The following TRIM64C variants were observed in gnomAD, a reference collection of about 807,000 sequenced individuals.
TRIM64C encodes the protein tripartite motif-containing protein 64C.
TRIM64C carries 25 observed loss-of-function variants against 36.1 expected under a neutral mutation model. The observed-to-expected ratio is 0.69, with a 90% CI of 0.51 to 0.97. The LOEUF (loss-of-function observed/expected upper bound fraction) is 0.97. Among genes scored for constraint, TRIM64C ranks in the 50% least tolerant of loss-of-function variants. TRIM64C has a pLI of 0.00. For missense variants in TRIM64C, 489 were observed against 536.8 expected (o/e 0.91, Z 0.88); for synonymous variants, 212 against 185.7 (o/e 1.14, Z -1.15).
chr11:49,057,555 C>T (rs1375880529), intron 2 of TRIM64C, among the ~76,000 whole-genome samples, 177 bp from the exon 3 acceptor site: 5 of 151,774 alleles, frequency 3.3e-5, no homozygotes, highest in African/African-American at 1.2e-4. Context: ...TATTCTCTCT[C>T]CCTTTTTAAA....
At position 49,053,791 on chromosome 11, in the gene TRIM64C, C is replaced by A. The variant is rs967518383; in HGVS notation, c.1276G>T (p.Gly426Cys). Residue 426 changes from glycine (G) to cysteine (C), a missense_variant, in exon 6 of 6, where the codon GGT becomes TGT. By Grantham distance (159) the Gly-to-Cys change is radical. Coordinates refer to ENST00000617704, the MANE Select transcript of TRIM64C (RefSeq NM_001206631.1). ...GSVSFFDVSK[G>C]SLIYGFPPSS... ...GGAGGAAAACCATAGATAAGAGAAC[C>A]TTTAGAAACATCAAAAAAACTCACA... The A allele has an allele frequency of 5.2e-6, 8 of 1,551,440 alleles. No individual in the cohort carries two copies. Among genetic ancestry groups the A allele is most frequent in the East Asian group, 2.4e-5 (1 of 40,900 alleles).
chr11:49,058,509 G>A (rs1326517753), intron 1 of TRIM64C, among the ~76,000 whole-genome samples, 192 bp downstream of exon 1: 1 of 151,846 alleles, frequency 6.6e-6, no homozygotes, highest in African/African-American at 2.4e-5. Flanking sequence ...ACCTCCTTTA[G>A]TGAAGTCTCA....
chr11:49,058,243 G>A (rs1854837178), intron 1 of TRIM64C, 71 bp from the exon 2 acceptor site: 1 of 1,053,098 alleles, frequency 9.5e-7, no homozygotes, highest in African/African-American at 1.7e-5. Flanking sequence ...ATAAAAAAAA[G>A]GCCGTAATTG....
At chr11:49,057,081 T>C (rs1854822176) in intron 3 of TRIM64C, 67 bp downstream of exon 3, 1 of 1,527,770 alleles carries the variant, frequency 6.5e-7, no homozygotes, top group African/African-American at 1.4e-5. Flanking sequence ...CTGATGACAT[T>C]TGCATGTCCT....
chr11:49,055,310 C>A lies in TRIM64C; in HGVS notation c.859G>T (p.Val287Leu). ...GGACTGCCAAGCAGCTGGCTCTTGC[C>A]TCTGAAGTTGTTGAGCATGTCTAGG... Reference protein sequence around the residue: ...GVLDMLNNFRVDNALSTEMTP... With the variant: ...GVLDMLNNFRLDNALSTEMTP... Residue 287 changes from valine to leucine, a missense_variant and splice_region_variant, in exon 5 of 6, where the codon GTG becomes TTG. Coordinates refer to ENST00000617704, the MANE Select transcript of TRIM64C (RefSeq NM_001206631.1). 6.5e-7 allele frequency: 1 copy of A among 1,535,814 alleles called. No homozygotes were observed. Among genetic ancestry groups the A allele is most frequent in the Non-Finnish European group, 8.7e-7 (1 of 1,146,828 alleles).
At position 49,053,740 on chromosome 11, in the gene TRIM64C, G is replaced by A. The variant is rs1231835128; in HGVS notation, c.1327C>T (p.Pro443Ser). The A allele has an allele frequency of 1.9e-6, 3 of 1,550,224 alleles. No homozygotes were observed. The highest frequency in any genetic ancestry group is 2.4e-5 in the East Asian group (1 of 40,890). Residue 443 changes from proline to serine, a missense_variant, in exon 6 of 6, where the codon CCT (proline) becomes TCT (serine). Transcript: ENST00000617704. ...CATGTACAACCAAAGCAAAAGAAAG[G>A]CCTCAGAGGGGAAGAGAAGGAGGAA... is the stretch of plus-strand genomic sequence containing the variant. ...PPSSFSSPLR[P>S]FFCFGCT
In TRIM64C at chr11:49,055,377, C is replaced by T. The variant is rs188659865; in HGVS notation, c.792G>A (p.Gln264=). 3.2e-5 allele frequency: 49 copies of T among 1,533,490 alleles called. No individual in the cohort carries two copies. In the East Asian group the frequency reaches 1.2e-3, roughly 38 times the overall value. 95.0% of individuals were successfully genotyped at this position (1,533,490 alleles called of 1,614,324 possible). Reference sequence around the variant, plus strand: ...ATGAAGTGAGCTCTGGGTTCACTGGCTGGGGCTTTGGCATCTGTGCCAAAT... The same window carrying T: ...ATGAAGTGAGCTCTGGGTTCACTGGTTGGGGCTTTGGCATCTGTGCCAAAT... ...RTDLAQMPKP[Q]PVNPELTSWC... The change falls in exon 5 of 6, where the codon CAG becomes CAA. Residue 264 remains glutamine (Q), a synonymous_variant. Coordinates refer to ENST00000617704, the MANE Select transcript of TRIM64C (RefSeq NM_001206631.1).
chr11:49,056,500 C>A (rs1854815748), intron 3 of TRIM64C, 119 bp from the exon 4 acceptor site: 7 of 843,386 alleles, frequency 8.3e-6, no homozygotes, highest in Non-Finnish European at 1.3e-5. Context: ...TTATTCCCCT[C>A]TAAGGAATCA....
chr11:49,057,739 T>C (rs1294625692), intron 2 of TRIM64C: 1 of 475,908 alleles, frequency 2.1e-6, no homozygotes, highest in Non-Finnish European at 3.9e-6. Context: ...TTTTTACTTT[T>C]ACTATATTTT....
At chr11:49,056,410 T>C (rs760333255) in intron 3 of TRIM64C, 29 bp from the exon 4 acceptor site, 134 of 1,523,568 alleles carry the variant, frequency 8.8e-5, no homozygotes, top group Admixed American at 2.8e-4. Flanking sequence ...GTAATGTTAA[T>C]TATGAGAGAT....
In TRIM64C at chr11:49,058,791, T is replaced by C; in HGVS notation, c.322A>G (p.Arg108Gly). 1 of 1,548,956 alleles carries C rather than the reference T, an allele frequency of 6.5e-7. No homozygotes were observed. The highest frequency in any genetic ancestry group is 8.7e-7 in the Non-Finnish European group (1 of 1,146,728). The part of the protein sequence containing the change: ...TKELFCEADK[R>G]LLCGPCSESP... ...TCAGAGCAGGGCCCACAGAGCAATC[T>C]CTTGTCAGCCTCACAGAAGAGCTCC... Residue 108 changes from arginine to glycine, a missense_variant, in exon 1 of 6, where the codon AGA becomes GGA. By Grantham distance (125) the Arg-to-Gly change is moderately radical. Coordinates refer to ENST00000617704, the MANE Select transcript of TRIM64C (RefSeq NM_001206631.1).
chr11:49,058,018 A>C (rs1854833388), intron 2 of TRIM64C, 60 bp downstream of exon 2: 1 of 1,207,290 alleles, frequency 8.3e-7, no homozygotes, highest in South Asian at 1.4e-5. Context: ...TTAGCTAAAA[A>C]GTATAAGCCA....
At chr11:49,055,819 G>C (rs1854805878) in intron 4 of TRIM64C, among the ~76,000 whole-genome samples, 1 of 152,088 alleles carries the variant, frequency 6.6e-6, no homozygotes, top group African/African-American at 2.4e-5. Flanking sequence ...GAGACAAAAG[G>C]CTTTAATCTT....
chr11:49,054,222 ATAT>A lies in TRIM64C; in HGVS notation c.860-18_860-16del, dbSNP rs554357162. 1.7e-4 allele frequency: 262 copies of A among 1,549,414 alleles called. 4 individuals are homozygous for A. The South Asian group carries it at 2.9e-3, about 17-fold the overall frequency. On this transcript the variant is annotated splice_polypyrimidine_tract_variant and intron_variant, in intron 5 of 5. Coordinates refer to ENST00000617704, the MANE Select transcript of TRIM64C (RefSeq NM_001206631.1). ...AGCATTATCCACTGACAAGGAAAAA[ATAT>A]TATATTAGTGAGTGCTATGAGGGAC...
chr11:49,055,238 G>C, intron 5 of TRIM64C, 72 bp downstream of exon 5: 1 of 1,520,294 alleles, frequency 6.6e-7, no homozygotes, highest in Non-Finnish European at 8.8e-7. Context: ...AAACGTAAAT[G>C]GGAGAAGCCT....
chr11:49,056,154 A>G (rs1327411486), intron 4 of TRIM64C, among the ~76,000 whole-genome samples: 2 of 151,504 alleles, frequency 1.3e-5, no homozygotes, highest in African/African-American at 4.9e-5. Flanking sequence ...TCCGAATGGC[A>G]AATTGTTTTT....
In TRIM64C at chr11:49,057,162, C is replaced by T. The variant is rs1230161932; in HGVS notation, c.724G>A (p.Val242Met). Residue 242 changes from valine (V) to methionine (M), a missense_variant, in exon 3 of 6, where the codon GTG (valine) becomes ATG (methionine). Physicochemically the swap from Val to Met is conservative, Grantham distance 21 (BLOSUM62 1). Coordinates refer to ENST00000617704, the MANE Select transcript of TRIM64C (RefSeq NM_001206631.1). ...TCCCTCCTCACCTGGAGCAGCTCCACGTCAGGCATGTGGTATGTCTCCCAC... is the reference window on the plus strand; with the variant it reads ...TCCCTCCTCACCTGGAGCAGCTCCATGTCAGGCATGTGGTATGTCTCCCAC... ...ELWETYHMPD[V>M]ELLQDVGNIS... 5.2e-6 allele frequency: 8 copies of T among 1,549,252 alleles called. No homozygotes were observed. The highest frequency in any genetic ancestry group is 1.4e-5 in the African/African-American group (1 of 72,580).
intron 4 of TRIM64C, among the ~76,000 whole-genome samples, chr11:49,056,011 C>G (rs1052195970): frequency 4.1e-5 from 6 of 147,780 alleles, no homozygotes; most frequent in Admixed American, 2.7e-4. Context: ...TATCTCTCCT[C>G]GATCTGTCTT....
intron 3 of TRIM64C, among the ~76,000 whole-genome samples, chr11:49,056,771 G>A (rs947998881): frequency 2.6e-5 from 4 of 151,958 alleles, no homozygotes; most frequent in South Asian, 2.1e-4. Flanking sequence ...CCAGGCAAGG[G>A]GAAACCCCTC....
Sources: allele counts gnomAD v4.1 joint callset (sites outside exome capture counted in the v4.1 genomes callset), GRCh38; gene constraint gnomAD v4.1.1; transcripts MANE v1.5; gene names NCBI Gene and HGNC (gene_info 2026-07-23, HGNC 2026-07-21).